Variants in UBTF observed in about 807,000 individuals in gnomAD.
The protein encoded by UBTF is upstream binding transcription factor.
A neutral mutation model predicts 112.3 loss-of-function variants in UBTF; 8 were observed. The ratio of observed to expected loss-of-function variants is 0.07; its 90% CI spans 0.04 to 0.13. The LOEUF (loss-of-function observed/expected upper bound fraction) is 0.13. Among genes scored for constraint, UBTF ranks in the 10% least tolerant of loss-of-function variants. The pLI is 1.00. For missense variants in UBTF, 457 were observed against 982.1 expected, an observed-to-expected ratio of 0.47 and a Z score of 7.15; for synonymous variants, 417 against 373.1, an observed-to-expected ratio of 1.12 and a Z score of -1.36.
At chr17:44,220,504 T>C (rs1344650429), upstream of UBTF, among the ~76,000 whole-genome samples, 1 of 103,758 alleles carries the variant, frequency 9.6e-6, no homozygotes, top group Non-Finnish European at 1.7e-5. Flanking sequence ...CATACGAAAC[T>C]TAAAAAAAAA....
rs928133098 is a variant in UBTF, at chr17:44,209,837, C to T, written c.1627-104G>A. Reference sequence around the variant, plus strand: ...CTTAGCTGGCTGTCTTTTTCTGTGCCAGGGAGGAGGAGAAACAGGTAGCTA... The same window carrying T: ...CTTAGCTGGCTGTCTTTTTCTGTGCTAGGGAGGAGGAGAAACAGGTAGCTA... On this transcript the variant is annotated intron_variant, in intron 15 of 20. Transcript: ENST00000436088. 3.6e-5 allele frequency: 45 copies of T among 1,264,566 alleles called. 1 individual carries two copies. In the Middle Eastern group the frequency reaches 1.5e-3, roughly 41 times the overall value. The allele number at this position is 1,264,566 out of a possible 1,614,324, so 78.3% of individuals were successfully genotyped here. A position where few individuals can be genotyped will look rare whatever the true frequency, so the allele number is the denominator to read the frequency against.
intron 2 of UBTF, among the ~76,000 whole-genome samples, chr17:44,217,830 C>A (rs2046923867): frequency 6.6e-6 from 1 of 152,184 alleles, no homozygotes; most frequent in Non-Finnish European, 1.5e-5. Flanking sequence ...GAAGCCTTCC[C>A]CAACCCCTTC....
At position 44,212,447 on chromosome 17, in the gene UBTF, G is replaced by A. The variant is rs372626678; in HGVS notation, c.668C>T (p.Thr223Met). Residue 223 changes from threonine (T) to methionine (M), a missense_variant, in exon 8 of 21, where the codon ACG (threonine) becomes ATG (methionine). By Grantham distance (81) the Thr-to-Met change is moderately conservative. Around this residue, in one of 7 missense-constraint regions of UBTF, gnomAD observed 87 missense variants for 286.6 expected, o/e 0.30. Transcript: ENST00000436088. ...CCCCAGGGAGTCCTTCACCTCCTTC[G>A]TAGTGGCCTGCAAACCAAAAGCCGT... Reference protein sequence around the residue: ...VYLKVRPDATTKEVKDSLGKQ... With the variant: ...VYLKVRPDATMKEVKDSLGKQ... 5.1e-6 allele frequency: 8 copies of A among 1,558,180 alleles called. No individual in the cohort carries two copies. Among genetic ancestry groups the A allele is most frequent in the East Asian group, 2.5e-5 (1 of 40,172 alleles).
At position 44,216,847 on chromosome 17, in the gene UBTF, G is replaced by A. The variant is rs2269907; in HGVS notation, c.59-143C>T. On this transcript the variant is annotated intron_variant, in intron 2 of 20. Transcript: ENST00000436088. ...CATCTGAAGGCACAGACAAGATATGGCTCAGCCCTAAGGAAACTGTGGCCA... is the reference window on the plus strand; with the variant it reads ...CATCTGAAGGCACAGACAAGATATGACTCAGCCCTAAGGAAACTGTGGCCA... 0.4 allele frequency: 312,879 copies of A among 773,292 alleles called. 74,647 individuals carry two copies. The highest frequency in any genetic ancestry group is 0.87 in the African/African-American group (50,448 of 57,942). 47.9% of individuals were successfully genotyped at this position (773,292 alleles called of 1,614,324 possible). A position where few individuals can be genotyped will look rare whatever the true frequency, so the allele number is the denominator to read the frequency against.
In UBTF at chr17:44,212,324, G is replaced by A. The variant is rs1464534517; in HGVS notation, c.771+20C>T. The A allele has an allele frequency of 1.9e-6, 3 of 1,597,706 alleles. No individual in the cohort carries two copies. ...GGCTCGTGAAGAGCCGGACGGGGAG[G>A]AGCGCAGCGGAAGCCTAACCTCGTA... is the stretch of plus-strand genomic sequence containing the variant. On this transcript the variant is annotated intron_variant, in intron 8 of 20. Transcript: ENST00000436088.
chr17:44,219,949 G>A (rs1460089126), upstream of UBTF, among the ~76,000 whole-genome samples: 1 of 151,078 alleles, frequency 6.6e-6, no homozygotes, highest in Non-Finnish European at 1.5e-5. Flanking sequence ...CTCCGCGGGG[G>A]GCAGCTGGGA....
rs746709649 is a variant in UBTF at position 44,211,279 on chromosome 17, G to A, written c.1089+11C>T. The A allele has an allele frequency of 1.2e-6, 2 of 1,614,224 alleles. No individual in the cohort carries two copies. The highest frequency in any genetic ancestry group is 1.7e-6 in the Non-Finnish European group (2 of 1,180,038). On this transcript the variant is annotated intron_variant, in intron 11 of 20. Transcript: ENST00000436088. The surrounding 1 kb of genome is among the most constrained non-coding windows in gnomAD (Gnocchi z 4.9). ...CTTCTCTGCCCACTGCCCCACCGGA[G>A]GAACACTCACCTCGAGGAAACGGAG...
intron 1 of UBTF, chr17:44,218,596 A>G (rs2046974218): frequency 6.0e-6 from 1 of 167,220 alleles, no homozygotes; most frequent in Non-Finnish European, 1.2e-5. Context: ...ACCCCAGCCA[A>G]AAAAAAAAAA....
In UBTF at chr17:44,216,796, G is replaced by A. The variant is rs575692772; in HGVS notation, c.59-92C>T. On this transcript the variant is annotated intron_variant, in intron 2 of 20. Transcript: ENST00000436088. ...TTGAGTGCTCAACTCTTCCTCCCTA[G>A]GGCATCCCAGCCCCTGGTTGCTTCC... 15 of 1,292,358 alleles carry A rather than the reference G, an allele frequency of 1.2e-5. 1 individual carries two copies. The East Asian group carries it at 3.5e-4, about 30-fold the overall frequency. 80.1% of individuals were successfully genotyped at this position (1,292,358 alleles called of 1,614,324 possible).
Position 44,211,853 on chromosome 17 carries a change from C to G in UBTF, c.905+20G>C, listed in dbSNP as rs1343517581. ...CTTCCCAGCTGCCCACTCGCCCACC[C>G]ATCCCAGGGCAGCGCTCACGGAGGT... is the stretch of plus-strand genomic sequence containing the variant. On this transcript the variant is annotated intron_variant, in intron 9 of 20. Transcript: ENST00000436088. This position sits in a 1 kb window ranked among gnomAD's most constrained non-coding sequence, Gnocchi z 4.9. The G allele has an allele frequency of 6.2e-7, 1 of 1,610,074 alleles. No homozygotes were observed. The highest frequency in any genetic ancestry group is 2.2e-5 in the East Asian group (1 of 44,808).
rs2056271785 is a variant in UBTF at position 44,206,855 on chromosome 17, C to T, written c.*387G>A. The T allele has an allele frequency of 3.4e-6, 1 of 296,900 alleles. No homozygotes were observed. The highest frequency in any genetic ancestry group is 2.2e-5 in the African/African-American group (1 of 46,136). 18.4% of individuals were successfully genotyped at this position (296,900 alleles called of 1,614,324 possible). ...GGAATGGGTCTTCCCCAAGCTTCCA[C>T]CCCACCTTGGATTGGGCCGCAGGTG... is the stretch of plus-strand genomic sequence containing the variant. On this transcript the variant is annotated 3_prime_UTR_variant, in exon 21 of 21. Coordinates refer to ENST00000436088, the MANE Select transcript of UBTF (RefSeq NM_014233.4).
chr17:44,212,504 A>AGGGGGGG, intron 7 of UBTF, 50 bp from the exon 8 acceptor site: 2 of 70,230 alleles, frequency 2.8e-5, no homozygotes, highest in South Asian at 6.8e-5. Flanking sequence ...GGGCAGGGGG[A>AGGGGGGG]GGGGGGAAGG....
chr17:44,220,374 C>T (rs543052903), upstream of UBTF, among the ~76,000 whole-genome samples: 198 of 152,164 alleles, frequency 1.3e-3, 1 homozygote, highest in African/African-American at 4.5e-3. Context: ...CCTCCCGGAG[C>T]GAGCGGTCCG....
Position 44,211,451 on chromosome 17 carries a change from G to A in UBTF, c.1048-120C>T. 6.4e-7 allele frequency: 1 copy of A among 1,562,702 alleles called. No homozygotes were observed. The highest frequency in any genetic ancestry group is 8.8e-7 in the Non-Finnish European group (1 of 1,141,618). On this transcript the variant is annotated intron_variant, in intron 10 of 20. Transcript: ENST00000436088. This position sits in a 1 kb window ranked among gnomAD's most constrained non-coding sequence, Gnocchi z 4.9. Reference sequence around the variant, plus strand: ...AGCCTGGGTGTGGGCTGGACTCCCTGCCTGGACGGGCTCAGTTGCTAAGCC... The same window carrying A: ...AGCCTGGGTGTGGGCTGGACTCCCTACCTGGACGGGCTCAGTTGCTAAGCC...
At chr17:44,213,548 G>C (rs762415264) in intron 5 of UBTF, among the ~76,000 whole-genome samples, 4 of 152,200 alleles carry the variant, frequency 2.6e-5, no homozygotes, top group African/African-American at 7.2e-5. Context: ...GTCCCAGAAG[G>C]GGGCCATGGC....
chr17:44,218,083 T>G, intron 2 of UBTF, 89 bp downstream of exon 2: 1 of 1,340,016 alleles, frequency 7.5e-7, no homozygotes, highest in Non-Finnish European at 1.1e-6. Context: ...GTATGCAGAC[T>G]GAAAAAGCCC....
At position 44,216,494 on chromosome 17, in the gene UBTF, G is replaced by T. The variant is rs568065287; in HGVS notation, c.234+35C>A. ...CTTCCCCCACCACGCTGAGTGGGGG[G>T]TATGTGTGTATGTCAGAAAAGGGGG... On this transcript the variant is annotated intron_variant, in intron 3 of 20. Coordinates refer to ENST00000436088, the MANE Select transcript of UBTF (RefSeq NM_014233.4). The T allele has an allele frequency of 7.5e-6, 12 of 1,610,002 alleles. No individual in the cohort carries two copies. In the South Asian group the frequency reaches 1.2e-4, roughly 16 times the overall value.
At chr17:44,210,086 G>C (rs766643200) in intron 15 of UBTF, 38 bp downstream of exon 15, 2 of 1,608,854 alleles carry the variant, frequency 1.2e-6, no homozygotes, top group Non-Finnish European at 1.7e-6. Flanking sequence ...GAGTTCCCGA[G>C]CTTTCAATGA....
chr17:44,215,917 T>C lies in UBTF; in HGVS notation c.307A>G (p.Lys103Glu). ...QEHVKNPYKG[K>E]KLKKHPDFPK... ...TCCTAGTAACTCACCTTGAGTTTTT[T>C]GCCTTTGTAAGGATTTTTAACATGT... is the stretch of plus-strand genomic sequence containing the variant. The change falls in exon 4 of 21, where the codon AAA (lysine) becomes GAA (glutamate). Residue 103 changes from lysine to glutamate, a missense_variant. Physicochemically the swap from Lys to Glu is moderately conservative, Grantham distance 56 (BLOSUM62 1). Coordinates refer to ENST00000436088, the MANE Select transcript of UBTF (RefSeq NM_014233.4). 6.2e-7 allele frequency: 1 copy of C among 1,614,170 alleles called. No individual in the cohort carries two copies. The highest frequency in any genetic ancestry group is 8.5e-7 in the Non-Finnish European group (1 of 1,180,008).
Sources: gnomAD v4.1 joint callset for allele counts (sites outside exome capture counted in the v4.1 genomes callset) on GRCh38, gnomAD v4.1.1 for gene constraint, gnomAD v4.1.1 regional missense constraint, Gnocchi (gnomAD v3.1) non-coding constraint, MANE v1.5 for transcripts, NCBI Gene and HGNC (gene_info 2026-07-23, HGNC 2026-07-21) for gene names.